RASSF5: variants seen among roughly 807,000 people sequenced by gnomAD.
RASSF5 encodes the protein Ras association domain family member 5.
A neutral mutation model predicts 40.5 loss-of-function variants in RASSF5; 25 were observed. That is an observed-to-expected ratio of 0.62 (90% CI 0.45 to 0.86). The LOEUF (loss-of-function observed/expected upper bound fraction) is 0.86. RASSF5 is among the 40% of genes least tolerant of loss of function. The pLI, the probability that RASSF5 is intolerant of heterozygous loss-of-function variation, is 0.00. For synonymous variants in RASSF5, 246 were observed against 252.4 expected (o/e 0.97, Z 0.24); for missense variants, 521 against 572.8 (o/e 0.91, Z 0.92).
intron 1 of RASSF5, among the ~76,000 whole-genome samples, chr1:206,522,814 G>A (rs1666942327): frequency 6.6e-6 from 1 of 151,932 alleles, no homozygotes. Flanking sequence ...GAAACATAAT[G>A]TATATAAAAA....
At chr1:206,564,762 TG>T (rs1217914319) in intron 2 of RASSF5, among the ~76,000 whole-genome samples, 1 of 152,014 alleles carries the variant, frequency 6.6e-6, no homozygotes, top group African/African-American at 2.4e-5. Flanking sequence ...GAGCATGGGG[TG>T]GGGATCCAGA....
chr1:206,584,165 C>G lies in RASSF5; in HGVS notation c.691-222C>G, dbSNP rs1265952181. ...AGCCTCCTGGGAGGGAAATCCACTGCAGCCCCACAGGTCCTCTTTGGTAGC... is the reference window on the plus strand; with the variant it reads ...AGCCTCCTGGGAGGGAAATCCACTGGAGCCCCACAGGTCCTCTTTGGTAGC... On this transcript the variant is annotated intron_variant, in intron 3 of 5. Transcript: ENST00000579436. This position sits in a 1 kb window ranked among gnomAD's most constrained non-coding sequence, Gnocchi z 4.9. Among the ~76,000 whole-genome samples the G allele has an allele frequency of 6.6e-6, 1 of 152,208 alleles. No individual in the cohort carries two copies. Among genetic ancestry groups the G allele is most frequent in the Non-Finnish European group, 1.5e-5 (1 of 68,046 alleles).
intron 1 of RASSF5, among the ~76,000 whole-genome samples, chr1:206,524,640 T>TATATTATGTATAATATATAAAAG (rs1667045509): frequency 3.4e-4 from 46 of 133,776 alleles, no homozygotes; most frequent in Non-Finnish European, 7.0e-4. Context: ...ATATATAAAA[T>TATATTATGTATAATATATAAAAG]ATATATTATA....
chr1:206,532,499 A>G (rs549809846), intron 1 of RASSF5, among the ~76,000 whole-genome samples: 1 of 152,354 alleles, frequency 6.6e-6, no homozygotes, highest in South Asian at 2.1e-4. Flanking sequence ...ACATCACAGC[A>G]TAGGCCAGGC....
At chr1:206,544,998 A>T (rs984388306) in intron 2 of RASSF5, 1 of 152,192 alleles carries the variant, frequency 6.6e-6, no homozygotes, top group African/African-American at 2.4e-5. Context: ...AGCAAGAAGA[A>T]ATGCGCCTAA....
chr1:206,545,103 G>A (rs1267103628), intron 2 of RASSF5, among the ~76,000 whole-genome samples: 1 of 152,124 alleles, frequency 6.6e-6, no homozygotes, highest in Non-Finnish European at 1.5e-5. Context: ...CTCTCAGGAA[G>A]TGCAGGGTCT....
At chr1:206,559,616 G>A (rs1461141431) in intron 2 of RASSF5, among the ~76,000 whole-genome samples, 1 of 152,190 alleles carries the variant, frequency 6.6e-6, no homozygotes, top group Non-Finnish European at 1.5e-5. Flanking sequence ...TGAGGCCTCT[G>A]TATATCTTCC....
intron 2 of RASSF5, chr1:206,544,991 A>C (rs1211962258): frequency 6.6e-6 from 1 of 152,048 alleles, no homozygotes; most frequent in Non-Finnish European, 1.5e-5. Flanking sequence ...GCCAGAGAGC[A>C]AGAAGAAATG....
Position 206,508,174 on chromosome 1 carries a change from G to T in RASSF5, c.457+115G>T. 5.0e-6 allele frequency: 4 copies of T among 804,894 alleles called. No individual in the cohort carries two copies. In the Admixed American group the frequency reaches 1.7e-4, roughly 34 times the overall value. 49.9% of individuals were successfully genotyped at this position (804,894 alleles called of 1,614,324 possible). On this transcript the variant is annotated intron_variant, in intron 1 of 5. Transcript: ENST00000579436. ...CATTACACTCTTTGGCTCCAGGGGA[G>T]CCCCGAACATAAGGAGATAACAACC...
At chr1:206,534,355 G>A (rs1572314742) in intron 1 of RASSF5, among the ~76,000 whole-genome samples, 1 of 152,316 alleles carries the variant, frequency 6.6e-6, no homozygotes, top group African/African-American at 2.4e-5. Context: ...GGAAGGAAAG[G>A]CTACAAAGGG....
chr1:206,546,087 C>CTTTTT (rs1667678821), intron 2 of RASSF5, among the ~76,000 whole-genome samples: 1 of 26,450 alleles, frequency 3.8e-5, no homozygotes, highest in Non-Finnish European at 7.7e-5. Context: ...TCTTCTTTTT[C>CTTTTT]TATTTTTTTT....
rs1666495163 is a variant in RASSF5, at chr1:206,507,761, G to T, written c.159G>T (p.Ala53=). The stretch of plus-strand genomic sequence containing the variant: ...GTGTCCCGGCGCCCCTCTCCACTGC[G>T]CCCGGGGCGCGCGAGGGGCGCAGCG... ...RLCVPAPLST[A]PGAREGRSAR... is the part of the protein sequence containing the mutation. The change falls in exon 1 of 6, where the codon GCG becomes GCT. Residue 53 remains alanine (A), a synonymous_variant. Transcript: ENST00000579436. 5 of 1,412,616 alleles carry T rather than the reference G, an allele frequency of 3.5e-6. No individual in the cohort carries two copies. The South Asian group carries it at 6.0e-5, about 17-fold the overall frequency. The allele number at this position is 1,412,616 out of a possible 1,614,324, so 87.5% of individuals were successfully genotyped here.
At chr1:206,572,810 G>GT (rs2103554347) in intron 2 of RASSF5, 1 of 152,312 alleles carries the variant, frequency 6.6e-6, no homozygotes, top group Non-Finnish European at 1.5e-5. Context: ...ATAATTTTCA[G>GT]TGGGTTTTTT....
At chr1:206,532,383 A>G (rs1553398095) in intron 1 of RASSF5, among the ~76,000 whole-genome samples, 1 of 152,196 alleles carries the variant, frequency 6.6e-6, no homozygotes, top group Non-Finnish European at 1.5e-5. Flanking sequence ...TAGGGTAGAG[A>G]AAATTAATGC....
chr1:206,520,775 TGG>T (rs1666885215), intron 1 of RASSF5, among the ~76,000 whole-genome samples: 1 of 152,132 alleles, frequency 6.6e-6, no homozygotes, highest in Non-Finnish European at 1.5e-5. Context: ...CAGACTGGTG[TGG>T]GGTAAATTAA....
chr1:206,533,278 G>A lies in RASSF5; in HGVS notation c.458-4894G>A, dbSNP rs146011342. On this transcript the variant is annotated intron_variant, in intron 1 of 5. Coordinates refer to ENST00000579436, the MANE Select transcript of RASSF5 (RefSeq NM_182663.4). ...CTGGTAGAAGTAGGCAGGCCGTCTTGGCTTCAGTTTACCACTCCCTAACCT... is the reference window on the plus strand; with the variant it reads ...CTGGTAGAAGTAGGCAGGCCGTCTTAGCTTCAGTTTACCACTCCCTAACCT... 9.8e-3 allele frequency among the ~76,000 whole-genome samples: 1,488 copies of A among 152,230 alleles called. 22 individuals are homozygous for A. The highest frequency in any genetic ancestry group is 0.034 in the African/African-American group (1,399 of 41,514).
chr1:206,525,071 C>G lies in RASSF5; in HGVS notation c.458-13101C>G, dbSNP rs145070989. Among the ~76,000 whole-genome samples the G allele has an allele frequency of 3.2e-3, 482 of 152,314 alleles. 1 individual carries two copies. The highest frequency in any genetic ancestry group is 0.011 in the African/African-American group (451 of 41,564). Reference sequence around the variant, plus strand: ...AACTTGTTGTGAACTATCCTGCCCTCTCTTCCTCTGCCCACTCCTCCCAAG... The same window carrying G: ...AACTTGTTGTGAACTATCCTGCCCTGTCTTCCTCTGCCCACTCCTCCCAAG... On this transcript the variant is annotated intron_variant, in intron 1 of 5. Coordinates refer to ENST00000579436, the MANE Select transcript of RASSF5 (RefSeq NM_182663.4).
intron 2 of RASSF5, among the ~76,000 whole-genome samples, chr1:206,550,757 A>G (rs1667817934): frequency 6.6e-6 from 1 of 152,246 alleles, no homozygotes; most frequent in African/African-American, 2.4e-5. Flanking sequence ...TCAGCCCAGC[A>G]GGCTGCTTGC....
At chr1:206,529,165 T>C in intron 1 of RASSF5, 9 of 1,506,416 alleles carry the variant, frequency 6.0e-6, no homozygotes, top group Non-Finnish European at 8.1e-6. Flanking sequence ...ACCCAGGCCC[T>C]GGACCGCCAA....
Sources: allele counts gnomAD v4.1 joint callset (sites outside exome capture counted in the v4.1 genomes callset), GRCh38; gene constraint gnomAD v4.1.1; non-coding constraint Gnocchi (gnomAD v3.1); transcripts MANE v1.5; gene names NCBI Gene and HGNC (gene_info 2026-07-23, HGNC 2026-07-21).